Variants in CDRT4 observed in about 807,000 individuals in gnomAD.
The protein encoded by CDRT4 is CMT1A duplicated region transcript 4 protein.
For missense variants in CDRT4, 167 were observed against 193.1 expected (o/e 0.87, Z 0.80); for synonymous variants, 64 against 69.6 (o/e 0.92, Z 0.40).
intron 1 of CDRT4, among the ~76,000 whole-genome samples, chr17:15,457,243 T>C (rs1979527538): frequency 6.6e-6 from 1 of 152,178 alleles, no homozygotes; most frequent in Non-Finnish European, 1.5e-5. Context: ...ACCAAATGAA[T>C]TCCTTATGAG....
At chr17:15,456,869 T>G (rs567137099) in intron 1 of CDRT4, among the ~76,000 whole-genome samples, 13 of 152,302 alleles carry the variant, frequency 8.5e-5, no homozygotes, top group African/African-American at 3.1e-4. Flanking sequence ...GTGCCTTTAA[T>G]TTGGAATCGA....
chr17:15,441,189 C>T (rs965390372), intron 2 of CDRT4, among the ~76,000 whole-genome samples: 17 of 152,320 alleles, frequency 1.1e-4, no homozygotes, highest in Admixed American at 9.8e-4. Context: ...GAGAAAGAGT[C>T]TCAGATAATT....
At position 15,465,108 on chromosome 17, in the gene CDRT4, AAC is replaced by A. The variant is rs774655267; in HGVS notation, c.-130+2350_-130+2351del. Among the ~76,000 whole-genome samples, 18 of 140,698 alleles carry A rather than the reference AAC, an allele frequency of 1.3e-4. 2 individuals are homozygous for A. Among genetic ancestry groups the A allele is most frequent in the East Asian group, 5.5e-4 (2 of 3,630 alleles). The allele number at this position is 140,698 out of a possible 152,430, so 92.3% of individuals were successfully genotyped here. On this transcript the variant is annotated intron_variant, in intron 1 of 3. Transcript: ENST00000619038. ...GACACACACAACACAGACACACACC[AAC>A]ACACAGACACACCAACACACAGATA... is the stretch of plus-strand genomic sequence containing the variant.
At position 15,464,753 on chromosome 17, in the gene CDRT4, C is replaced by A. The variant is rs570509435; in HGVS notation, c.-130+2707G>T. 6.6e-6 allele frequency among the ~76,000 whole-genome samples: 1 copy of A among 152,158 alleles called. No homozygotes were observed. Among genetic ancestry groups the A allele is most frequent in the African/African-American group, 2.4e-5 (1 of 41,422 alleles). ...AAGCTTCCGTTACTTGTATTTTGCT[C>A]CTTTTCTCTGCCAAAATCCCCCAGC... On this transcript the variant is annotated intron_variant, in intron 1 of 3. Transcript: ENST00000619038. This position sits in a 1 kb window ranked among gnomAD's most constrained non-coding sequence, Gnocchi z 4.5.
intron 2 of CDRT4, among the ~76,000 whole-genome samples, chr17:15,445,863 C>G (rs1224548164): frequency 6.6e-6 from 1 of 152,182 alleles, no homozygotes; most frequent in East Asian, 1.9e-4. Context: ...AAGTGTCTTG[C>G]CTGGCCCCAG....
intron 1 of CDRT4, among the ~76,000 whole-genome samples, chr17:15,457,807 C>T (rs2150796676): frequency 6.6e-6 from 1 of 152,316 alleles, no homozygotes; most frequent in Non-Finnish European, 1.5e-5. Flanking sequence ...GCTGCCAAGA[C>T]AGGGACGAGG....
chr17:15,461,143 T>C (rs1479802684), intron 1 of CDRT4, among the ~76,000 whole-genome samples: 2 of 152,164 alleles, frequency 1.3e-5, no homozygotes, highest in Non-Finnish European at 2.9e-5. Context: ...TCTGAAATTA[T>C]TTTACATTTG....
chr17:15,464,180 T>C lies in CDRT4; in HGVS notation c.-130+3280A>G, dbSNP rs994099366. Among the ~76,000 whole-genome samples, 1 of 152,054 alleles carries C rather than the reference T, an allele frequency of 6.6e-6. No individual in the cohort carries two copies. Among genetic ancestry groups the C allele is most frequent in the Non-Finnish European group, 1.5e-5 (1 of 68,000 alleles). Reference sequence around the variant, plus strand: ...CTCTGGCCGCGTTTTTCTCTGGTGATGTGTCACTGAGCTTGGGGATAGGGC... The same window carrying C: ...CTCTGGCCGCGTTTTTCTCTGGTGACGTGTCACTGAGCTTGGGGATAGGGC... On this transcript the variant is annotated intron_variant, in intron 1 of 3. Transcript: ENST00000619038. The surrounding 1 kb of genome is among the most constrained non-coding windows in gnomAD (Gnocchi z 4.5).
chr17:15,462,482 G>A (rs891119898), intron 1 of CDRT4, among the ~76,000 whole-genome samples: 2 of 146,124 alleles, frequency 1.4e-5, no homozygotes, highest in Non-Finnish European at 3.0e-5. Flanking sequence ...GTCAAACCAT[G>A]AAGGGACCCT....
intron 1 of CDRT4, among the ~76,000 whole-genome samples, chr17:15,466,051 G>C (rs546261596): frequency 6.6e-6 from 1 of 151,086 alleles, no homozygotes; most frequent in African/African-American, 2.4e-5. Flanking sequence ...GAGGGAGAGG[G>C]AGGGAAAGGG....
intron 1 of CDRT4, among the ~76,000 whole-genome samples, chr17:15,460,900 A>C (rs893354339): frequency 1.6e-5 from 2 of 127,282 alleles, no homozygotes; most frequent in Non-Finnish European, 3.3e-5. Context: ...ACCGCCAACC[A>C]CCCTCCAGCC....
chr17:15,462,406 C>A (rs899943874), intron 1 of CDRT4, among the ~76,000 whole-genome samples: 3 of 113,036 alleles, frequency 2.7e-5, no homozygotes, highest in Admixed American at 1.3e-4. Flanking sequence ...CCAGCCTGGG[C>A]AACAGAGTGA....
At chr17:15,466,509 C>T (rs528946216) in intron 1 of CDRT4, among the ~76,000 whole-genome samples, 3 of 152,238 alleles carry the variant, frequency 2.0e-5, no homozygotes, top group South Asian at 4.1e-4. Flanking sequence ...TCTTTTATTC[C>T]TTGTTCTAAA....
At chr17:15,445,937 A>T (rs992668785) in intron 2 of CDRT4, among the ~76,000 whole-genome samples, 2 of 151,962 alleles carry the variant, frequency 1.3e-5, no homozygotes, top group Non-Finnish European at 2.9e-5. Context: ...TCTGCATTTT[A>T]TCCTCTTTGA....
chr17:15,448,192 A>C (rs1025620260), intron 2 of CDRT4, among the ~76,000 whole-genome samples: 1 of 152,210 alleles, frequency 6.6e-6, no homozygotes, highest in African/African-American at 2.4e-5. Context: ...CTAGGAATCC[A>C]GGCCAGTGTT....
At chr17:15,461,645 C>T (rs141587352) in intron 1 of CDRT4, among the ~76,000 whole-genome samples, 2 of 152,284 alleles carry the variant, frequency 1.3e-5, no homozygotes, top group Non-Finnish European at 2.9e-5. Flanking sequence ...AGGTGAAGAC[C>T]AGTGTCATCT....
chr17:15,451,864 T>C (rs988042481), intron 2 of CDRT4, among the ~76,000 whole-genome samples: 7 of 152,224 alleles, frequency 4.6e-5, no homozygotes, highest in African/African-American at 1.7e-4. Flanking sequence ...TCATTTATTT[T>C]CTCTTAACCA....
chr17:15,441,789 G>C (rs1978774950), intron 2 of CDRT4, among the ~76,000 whole-genome samples: 1 of 152,166 alleles, frequency 6.6e-6, no homozygotes, highest in Non-Finnish European at 1.5e-5. Flanking sequence ...AGATCTTACA[G>C]AGTCCCTGCT....
In CDRT4 at chr17:15,440,207, CCTT is replaced by C. The variant is rs71150251; in HGVS notation, c.29_31del (p.Glu10del). The C allele has an allele frequency of 5.0e-3, 8,117 of 1,613,894 alleles. 326 individuals carry two copies. In the African/African-American group the frequency reaches 0.093, roughly 19 times the overall value. ...TCCACTGGTAACACTCCCAACCCTA[CCTT>C]CTTCTTTCTTCATCCTTCTTGCATC... On this transcript the variant is annotated inframe_deletion and splice_region_variant, in exon 3 of 4. Transcript: ENST00000619038.
Sources: allele counts gnomAD v4.1 joint callset (sites outside exome capture counted in the v4.1 genomes callset), GRCh38; gene constraint gnomAD v4.1.1; non-coding constraint Gnocchi (gnomAD v3.1); transcripts MANE v1.5; gene names NCBI Gene and HGNC (gene_info 2026-07-23, HGNC 2026-07-21).